The following MBD5 variants were observed in gnomAD, a reference collection of about 807,000 sequenced individuals.
The protein encoded by MBD5 is methyl-CpG binding domain protein 5, also known as methyl-CpG-binding domain protein 5.
A neutral mutation model predicts 117.3 loss-of-function variants in MBD5; 13 were observed. That is an observed-to-expected ratio of 0.11 (90% CI 0.07 to 0.18). The LOEUF is 0.18. Ranked by LOEUF, MBD5 falls within the 10% of genes least tolerant of loss-of-function variation. The pLI is 1.00. For synonymous variants in MBD5, 727 were observed against 766.4 expected (o/e 0.95, Z 0.85); for missense variants, 1,879 against 2,093.8 (o/e 0.90, Z 2.00).
chr2:148,038,493 T>G lies in MBD5; in HGVS notation c.-925+16809T>G, dbSNP rs192641105. Among the ~76,000 whole-genome samples, 205 of 149,114 alleles carry G rather than the reference T, an allele frequency of 1.4e-3. 2 individuals are homozygous for G. The highest frequency in any genetic ancestry group is 7.4e-3 in the East Asian group (38 of 5,114). Reference sequence around the variant, plus strand: ...TTGTTTTCTTTAATTACCTTGAATTTAATAAGTACAGTCTTATGATTGCTG... The same window carrying G: ...TTGTTTTCTTTAATTACCTTGAATTGAATAAGTACAGTCTTATGATTGCTG... On this transcript the variant is annotated intron_variant, in intron 1 of 13. Transcript: ENST00000642680.
intron 1 of MBD5, among the ~76,000 whole-genome samples, chr2:148,096,835 A>T (rs1260257933): frequency 1.3e-5 from 2 of 152,190 alleles, no homozygotes; most frequent in South Asian, 2.1e-4. Context: ...TGTTTATTCA[A>T]TTCAAGGCAC....
intron 4 of MBD5, among the ~76,000 whole-genome samples, chr2:148,380,751 G>A (rs1253047311): frequency 1.3e-5 from 2 of 152,072 alleles, no homozygotes; most frequent in African/African-American, 2.4e-5. Flanking sequence ...TCACACAGCC[G>A]GGTACTCCTC....
intron 2 of MBD5, among the ~76,000 whole-genome samples, chr2:148,184,618 A>C (rs2105873165): frequency 6.6e-6 from 1 of 152,282 alleles, no homozygotes; most frequent in East Asian, 1.9e-4. Flanking sequence ...TTGGGACATC[A>C]GATCTAATAA....
chr2:148,224,721 T>C (rs1426424480), intron 2 of MBD5, among the ~76,000 whole-genome samples: 1 of 151,944 alleles, frequency 6.6e-6, no homozygotes, highest in Non-Finnish European at 1.5e-5. Flanking sequence ...ATATTCGCTT[T>C]ATAAATCTGG....
At chr2:148,050,779 C>T (rs188630572) in intron 1 of MBD5, among the ~76,000 whole-genome samples, 74 of 152,250 alleles carry the variant, frequency 4.9e-4, no homozygotes, top group Non-Finnish European at 6.8e-4. Context: ...CTCCTTATAT[C>T]AATACTACAC....
At chr2:148,126,721 CT>C (rs1452093116) in intron 1 of MBD5, among the ~76,000 whole-genome samples, 6 of 152,178 alleles carry the variant, frequency 3.9e-5, no homozygotes, top group East Asian at 1.9e-4. Context: ...CTTTTCCCCC[CT>C]GGCTCTTTAT....
At chr2:148,184,326 G>C (rs1698601363) in intron 2 of MBD5, among the ~76,000 whole-genome samples, 1 of 151,952 alleles carries the variant, frequency 6.6e-6, no homozygotes, top group African/African-American at 2.4e-5. Context: ...TTTTCTTTCT[G>C]AGTCTCCTGT....
At chr2:148,323,579 C>T (rs1245949115) in intron 3 of MBD5, among the ~76,000 whole-genome samples, 3 of 152,078 alleles carry the variant, frequency 2.0e-5, no homozygotes, top group Admixed American at 6.6e-5. Flanking sequence ...TTTTGATTTG[C>T]ATTTCTCTGA....
At chr2:148,326,776 T>C (rs1333795348) in intron 3 of MBD5, among the ~76,000 whole-genome samples, 5 of 151,450 alleles carry the variant, frequency 3.3e-5, no homozygotes, top group South Asian at 2.1e-4. Flanking sequence ...CTGATGGGTC[T>C]TGACTCTTTA....
At chr2:148,091,370 A>G (rs780640078) in intron 1 of MBD5, among the ~76,000 whole-genome samples, 2 of 152,180 alleles carry the variant, frequency 1.3e-5, no homozygotes, top group African/African-American at 4.8e-5. Flanking sequence ...AGCAAAAAGA[A>G]CAAATCTAGA....
chr2:148,427,917 C>T (rs1406674890), intron 4 of MBD5, among the ~76,000 whole-genome samples: 1 of 152,042 alleles, frequency 6.6e-6, no homozygotes, highest in Non-Finnish European at 1.5e-5. Context: ...TGGAAGCATT[C>T]CCTTTGAAAA....
intron 3 of MBD5, among the ~76,000 whole-genome samples, chr2:148,341,032 T>A (rs1411213393): frequency 6.6e-6 from 1 of 151,922 alleles, no homozygotes; most frequent in Non-Finnish European, 1.5e-5. Flanking sequence ...AGCAAGTGAG[T>A]GGTAATATTT....
intron 4 of MBD5, among the ~76,000 whole-genome samples, chr2:148,416,661 T>A (rs1705430174): frequency 6.6e-6 from 1 of 152,336 alleles, no homozygotes; most frequent in African/African-American, 2.4e-5. Context: ...CAAGTTGTTT[T>A]TGTTACATGG....
rs1180193265 is a variant in MBD5 at position 148,182,925 on chromosome 2, ACT to A, written c.-831+4135_-831+4136del. 5.3e-5 allele frequency among the ~76,000 whole-genome samples: 8 copies of A among 152,214 alleles called. No individual in the cohort carries two copies. The East Asian group carries it at 1.5e-3, about 29-fold the overall frequency. On this transcript the variant is annotated intron_variant, in intron 2 of 13. Transcript: ENST00000642680. ...GACTGACTGGGAATTGATTGTCCTA[ACT>A]CTGACCACTGGTCTCTGATCTGCCT... is the stretch of plus-strand genomic sequence containing the variant.
intron 4 of MBD5, among the ~76,000 whole-genome samples, chr2:148,425,791 G>A (rs1436897485): frequency 6.6e-6 from 1 of 152,172 alleles, no homozygotes; most frequent in African/African-American, 2.4e-5. Flanking sequence ...AAATCCATGT[G>A]ATTATCTCAA....
At chr2:148,050,838 G>A (rs1573955256) in intron 1 of MBD5, among the ~76,000 whole-genome samples, 1 of 152,124 alleles carries the variant, frequency 6.6e-6, no homozygotes, top group Non-Finnish European at 1.5e-5. Context: ...ATCAAGAAGT[G>A]TGTTTCCTTA....
chr2:148,358,511 G>A (rs1001138763), intron 4 of MBD5, among the ~76,000 whole-genome samples: 2 of 151,596 alleles, frequency 1.3e-5, no homozygotes, highest in African/African-American at 2.4e-5. Context: ...AGTGGCTCAC[G>A]CCTGTAAGTG....
chr2:148,388,861 G>A (rs1704461302), intron 4 of MBD5, among the ~76,000 whole-genome samples: 1 of 151,942 alleles, frequency 6.6e-6, no homozygotes, highest in Admixed American at 6.6e-5. Context: ...TATAATTTCA[G>A]GGGATACATG....
At chr2:148,081,898 T>C (rs754334272) in intron 1 of MBD5, among the ~76,000 whole-genome samples, 1 of 152,230 alleles carries the variant, frequency 6.6e-6, no homozygotes, top group Non-Finnish European at 1.5e-5. Context: ...CTACTCATCT[T>C]GAGAGTGATT....
Sources: gnomAD v4.1 joint callset for allele counts (sites outside exome capture counted in the v4.1 genomes callset) on GRCh38, gnomAD v4.1.1 for gene constraint, MANE v1.5 for transcripts, NCBI Gene and HGNC (gene_info 2026-07-23, HGNC 2026-07-21) for gene names.